Variants in ZNF528 observed in about 807,000 individuals in gnomAD.
The protein encoded by ZNF528 is zinc finger protein 528.
Under a neutral mutation model 13.3 loss-of-function variants are expected in ZNF528, and 9 were observed. The ratio of observed to expected loss-of-function variants is 0.67; its 90% CI spans 0.41 to 1.18. The LOEUF is 1.18. ZNF528 is among the 50% of genes most tolerant of loss of function. The probability of loss-of-function intolerance (pLI) is 0.01; values close to 1 mark genes in which losing one functional copy is unlikely to be tolerated. For missense variants in ZNF528, 858 were observed against 745.4 expected, an observed-to-expected ratio of 1.15 and a Z score of -1.76; for synonymous variants, 264 against 254.3, an observed-to-expected ratio of 1.04 and a Z score of -0.36.
rs200793126 is a variant in ZNF528, at chr19:52,409,724, G to GT, written c.271+3089dup. Among the ~76,000 whole-genome samples, 532 of 150,484 alleles carry GT rather than the reference G, an allele frequency of 3.5e-3. 2 individuals are homozygous for GT. Among genetic ancestry groups the GT allele is most frequent in the African/African-American group, 0.011 (459 of 41,002 alleles). On this transcript the variant is annotated intron_variant, in intron 6 of 6. Coordinates refer to ENST00000360465, the MANE Select transcript of ZNF528 (RefSeq NM_032423.3). ...TTTTTGCTTGTTTGTTTTTGTTTTT[G>GT]TTTTTTTTGAGATGGAGTCTTTCTC...
Position 52,405,901 on chromosome 19 carries a change from T to G in ZNF528, c.16-6T>G. On this transcript the variant is annotated splice_polypyrimidine_tract_variant and splice_region_variant and intron_variant, in intron 4 of 6. Coordinates refer to ENST00000360465, the MANE Select transcript of ZNF528 (RefSeq NM_032423.3). ...CCTTGTTGCTGAAATGTGGATTTTC[T>G]TTCAGGGACCCTTGAAATTCATGGA... 4 of 1,609,050 alleles carry G rather than the reference T, an allele frequency of 2.5e-6. No individual in the cohort carries two copies. Among genetic ancestry groups the G allele is most frequent in the East Asian group, 2.2e-5 (1 of 44,688 alleles).
At position 52,399,791 on chromosome 19, in the gene ZNF528, C is replaced by G. The variant is rs114428832; in HGVS notation, c.-137+1172C>G. ...CAACACAGAATGCCTCATCTCTGGTCACCAAAGTAATATGGGAATTACTTG... is the reference window on the plus strand; with the variant it reads ...CAACACAGAATGCCTCATCTCTGGTGACCAAAGTAATATGGGAATTACTTG... On this transcript the variant is annotated intron_variant, in intron 2 of 6. Coordinates refer to ENST00000360465, the MANE Select transcript of ZNF528 (RefSeq NM_032423.3). Among the ~76,000 whole-genome samples the G allele has an allele frequency of 8.7e-3, 1,326 of 152,218 alleles. 16 individuals carry two copies. Among genetic ancestry groups the G allele is most frequent in the African/African-American group, 0.031 (1,267 of 41,516 alleles).
At chr19:52,404,485 C>T (rs995971527) in intron 4 of ZNF528, among the ~76,000 whole-genome samples, 7 of 152,072 alleles carry the variant, frequency 4.6e-5, no homozygotes, top group African/African-American at 1.4e-4. Context: ...TTGTGATCCT[C>T]CAGTTAGTTC....
intron 2 of ZNF528, 64 bp downstream of exon 2, chr19:52,398,683 G>A (rs1292064448): frequency 1.5e-5 from 13 of 880,662 alleles, no homozygotes; most frequent in East Asian, 1.2e-4. Flanking sequence ...GGGGAGAAAA[G>A]TAACTGTAAA....
chr19:52,414,941 T>G (rs1291229454), intron 6 of ZNF528, 183 bp from the exon 7 acceptor site: 1 of 1,527,734 alleles, frequency 6.5e-7, no homozygotes. Context: ...TCCTGCAGAT[T>G]CCCCACTGCT....
chr19:52,413,950 T>G, intron 6 of ZNF528: 1 of 399,690 alleles, frequency 2.5e-6, no homozygotes. Context: ...TGCATCATAA[T>G]CTCCTGCAGA....
At chr19:52,410,686 A>G (rs1051878194) in intron 6 of ZNF528, among the ~76,000 whole-genome samples, 1 of 152,184 alleles carries the variant, frequency 6.6e-6, no homozygotes, top group Non-Finnish European at 1.5e-5. Context: ...TGTTGGAGAT[A>G]GGGGGTAGAG....
At chr19:52,403,447 G>A (rs2058818350) in intron 4 of ZNF528, among the ~76,000 whole-genome samples, 1 of 151,930 alleles carries the variant, frequency 6.6e-6, no homozygotes, top group Non-Finnish European at 1.5e-5. Context: ...CAGATGAGAG[G>A]GTCAGGAGTT....
At chr19:52,404,484 T>A (rs900163160) in intron 4 of ZNF528, among the ~76,000 whole-genome samples, 2 of 152,164 alleles carry the variant, frequency 1.3e-5, no homozygotes, top group Non-Finnish European at 2.9e-5. Flanking sequence ...CTTGTGATCC[T>A]CCAGTTAGTT....
intron 6 of ZNF528, among the ~76,000 whole-genome samples, chr19:52,409,191 T>C (rs2058897929): frequency 6.6e-6 from 1 of 152,162 alleles, no homozygotes; most frequent in Non-Finnish European, 1.5e-5. Context: ...CTCTTTTTTG[T>C]TGCTGCTGTC....
At chr19:52,404,087 C>G (rs1484315767) in intron 4 of ZNF528, among the ~76,000 whole-genome samples, 1 of 152,040 alleles carries the variant, frequency 6.6e-6, no homozygotes, top group Non-Finnish European at 1.5e-5. Context: ...CTGTTTGATT[C>G]TTTAGGTTTG....
chr19:52,410,892 A>G (rs1367480203), intron 6 of ZNF528, among the ~76,000 whole-genome samples: 1 of 152,210 alleles, frequency 6.6e-6, no homozygotes, highest in Non-Finnish European at 1.5e-5. Context: ...GTAGCCAATT[A>G]ATATCTCCTA....
rs780344984 is a variant in ZNF528, at chr19:52,415,358, A to T, written c.506A>T (p.His169Leu). Residue 169 changes from histidine (H) to leucine (L), a missense_variant, in exon 7 of 7, where the codon CAT becomes CTT. Coordinates refer to ENST00000360465, the MANE Select transcript of ZNF528 (RefSeq NM_032423.3). ...LLNKYRNNFD[H>L]APLLPQEQKA... Reference sequence around the variant, plus strand: ...AATAAATATAGAAATAATTTTGATCATGCTCCATTACTTCCACAAGAACAG... The same window carrying T: ...AATAAATATAGAAATAATTTTGATCTTGCTCCATTACTTCCACAAGAACAG... 6.2e-7 allele frequency: 1 copy of T among 1,612,852 alleles called. No homozygotes were observed. The highest frequency in any genetic ancestry group is 1.1e-5 in the South Asian group (1 of 90,734).
intron 4 of ZNF528, among the ~76,000 whole-genome samples, chr19:52,404,526 A>G (rs115224238): frequency 0.011 from 1,675 of 152,230 alleles, 32 homozygotes; most frequent in African/African-American, 0.039. Flanking sequence ...TGCCTATCAC[A>G]TGGGAAGTGT....
chr19:52,398,695 A>G (rs2058756726), intron 2 of ZNF528, 76 bp downstream of exon 2: 3 of 807,982 alleles, frequency 3.7e-6, no homozygotes, highest in South Asian at 1.1e-4. Context: ...AACTGTAAAA[A>G]TATAGACAAA....
chr19:52,405,873 A>G (rs752502222), intron 4 of ZNF528, 34 bp from the exon 5 acceptor site: 1 of 1,603,258 alleles, frequency 6.2e-7, no homozygotes, highest in Non-Finnish European at 8.5e-7. Context: ...TACTGTGTGC[A>G]TACCTTGTTG....
chr19:52,406,098 T>C, intron 5 of ZNF528, 65 bp downstream of exon 5: 13 of 1,545,712 alleles, frequency 8.4e-6, no homozygotes, highest in Non-Finnish European at 9.6e-6. Context: ...GTGTCTTATA[T>C]GCCTCTTGGG....
intron 6 of ZNF528, 145 bp downstream of exon 6, chr19:52,406,788 C>G: frequency 8.9e-7 from 1 of 1,124,448 alleles, no homozygotes; most frequent in South Asian, 2.4e-5. Flanking sequence ...CTCCCTGGCT[C>G]GCTCTTCCAA....
Position 52,407,288 on chromosome 19 carries a change from G to A in ZNF528, c.271+645G>A, listed in dbSNP as rs375343591. Among the ~76,000 whole-genome samples, 19 of 152,148 alleles carry A rather than the reference G, an allele frequency of 1.2e-4. No homozygotes were observed. The East Asian group carries it at 3.1e-3, about 25-fold the overall frequency. ...TGAATAGCTGGGACTGCAGGTGTAC[G>A]CCACCATGCCTGGCTAATTTTTTGT... On this transcript the variant is annotated intron_variant, in intron 6 of 6. Transcript: ENST00000360465.
Sources: allele counts gnomAD v4.1 joint callset (sites outside exome capture counted in the v4.1 genomes callset), GRCh38; gene constraint gnomAD v4.1.1; transcripts MANE v1.5; gene names NCBI Gene and HGNC (gene_info 2026-07-23, HGNC 2026-07-21).